Variants in IL2 observed in about 807,000 individuals in gnomAD.
The protein encoded by IL2 is interleukin-2.
A neutral mutation model predicts 14.6 loss-of-function variants in IL2; 3 were observed. That is an observed-to-expected ratio of 0.21 (90% confidence interval 0.09 to 0.53). The LOEUF is 0.53. Among genes scored for constraint, IL2 ranks in the 20% least tolerant of loss-of-function variants. The probability of loss-of-function intolerance (pLI) is 0.95; values close to 1 mark genes in which losing one functional copy is unlikely to be tolerated. For synonymous variants in IL2, 71 were observed against 60.0 expected, an observed-to-expected ratio of 1.18 and a Z score of -0.85; for missense variants, 125 against 170.8, an observed-to-expected ratio of 0.73 and a Z score of 1.50.
intron 2 of IL2, 108 bp from the exon 3 acceptor site, chr4:122,453,961 C>T (rs1797703493): frequency 2.1e-6 from 2 of 972,310 alleles, no homozygotes; most frequent in African/African-American, 1.7e-5. Flanking sequence ...ACCATTCTCT[C>T]TGTTCTCAAT....
rs750050718 is a variant in IL2 at position 122,456,189 on chromosome 4, G to T, written c.162C>A (p.Pro54=). 1.5e-5 allele frequency: 24 copies of T among 1,608,814 alleles called. No individual in the cohort carries two copies. Among genetic ancestry groups the T allele is most frequent in the Non-Finnish European group, 2.0e-5 (23 of 1,176,058 alleles). The part of the protein sequence containing the change: ...ILNGINNYKN[P]KLTRMLTFKF... ...TAAATGTGAGCATCCTGGTGAGTTTGGGATTCTTGTAATTCTAAGAAAGTA... is the reference window on the plus strand; with the variant it reads ...TAAATGTGAGCATCCTGGTGAGTTTTGGATTCTTGTAATTCTAAGAAAGTA... The change falls in exon 2 of 4, where the codon CCC becomes CCA. Residue 54 remains proline (P), a synonymous_variant. Transcript: ENST00000226730.
intron 2 of IL2, among the ~76,000 whole-genome samples, chr4:122,455,060 G>T (rs575199332): frequency 1.3e-5 from 2 of 151,898 alleles, no homozygotes; most frequent in African/African-American, 4.8e-5. Flanking sequence ...TGCTGGAGTT[G>T]CATTATGTGG....
chr4:122,456,280 G>T lies in IL2; in HGVS notation c.147+14C>A, dbSNP rs72558016. ...TAAATGTAATAATTTTAGTAAGAAA[G>T]GAAATATACTTACATTAATTCCATT... On this transcript the variant is annotated intron_variant, in intron 1 of 3. Coordinates refer to ENST00000226730, the MANE Select transcript of IL2 (RefSeq NM_000586.4). The T allele has an allele frequency of 1.1e-5, 17 of 1,601,342 alleles. No homozygotes were observed. Among genetic ancestry groups the T allele is most frequent in the Non-Finnish European group, 1.5e-5 (17 of 1,169,496 alleles).
At chr4:122,454,216 A>G (rs1430438500) in intron 2 of IL2, among the ~76,000 whole-genome samples, 2 of 151,920 alleles carry the variant, frequency 1.3e-5, no homozygotes, top group Non-Finnish European at 2.9e-5. Context: ...ATCACATTCT[A>G]TGATTATAAT....
At chr4:122,454,499 T>C (rs1443917068) in intron 2 of IL2, among the ~76,000 whole-genome samples, 2 of 151,792 alleles carry the variant, frequency 1.3e-5, no homozygotes, top group African/African-American at 2.4e-5. Context: ...CTCTTGATTC[T>C]ATATTATATA....
chr4:122,456,331 A>T lies in IL2; in HGVS notation c.110T>A (p.Leu37Ter). ...TKKTQLQLEH[L>*]LLDLQMILNG... ...CAAAATCATCTGTAAATCCAGCAGT[A>T]AATGCTCCAGTTGTAGCTGTGTTTT... Residue 37 changes from leucine (L) to a stop codon, truncating the protein, a stop_gained, in exon 1 of 4, where the codon TTA becomes TAA. Transcript: ENST00000226730. LOFTEE classifies it high-confidence loss of function. 1 of 1,611,376 alleles carries T rather than the reference A, an allele frequency of 6.2e-7. No homozygotes were observed. Among genetic ancestry groups the T allele is most frequent in the Non-Finnish European group, 8.5e-7 (1 of 1,177,994 alleles).
At chr4:122,451,914 TAC>T (rs1797680104) in intron 3 of IL2, 52 bp from the exon 4 acceptor site, 1 of 820,520 alleles carries the variant, frequency 1.2e-6, no homozygotes, top group Non-Finnish European at 1.8e-6. Context: ...TTACCTTATA[TAC>T]AGTTATTCCC....
intron 2 of IL2, 104 bp from the exon 3 acceptor site, chr4:122,453,957 C>G (rs1199137573): frequency 1.0e-6 from 1 of 987,066 alleles, no homozygotes. Context: ...TTTTACCATT[C>G]TCTCTGTTCT....
Position 122,456,154 on chromosome 4 carries a change from A to T in IL2, c.197T>A (p.Met66Lys). 6.2e-7 allele frequency: 1 copy of T among 1,602,470 alleles called. No homozygotes were observed. The highest frequency in any genetic ancestry group is 8.5e-7 in the Non-Finnish European group (1 of 1,170,628). ...AAATATTGTACTTACCTTCTTGGGC[A>T]TGTAAAACTTAAATGTGAGCATCCT... is the stretch of plus-strand genomic sequence containing the variant. Reference protein sequence around the residue: ...LTRMLTFKFYMPKKATELKHL... With the variant: ...LTRMLTFKFYKPKKATELKHL... Residue 66 changes from methionine to lysine, a missense_variant, in exon 2 of 4, where the codon ATG becomes AAG. Met to Lys is a moderately conservative substitution (Grantham distance 95, BLOSUM62 -1). Transcript: ENST00000226730.
Position 122,456,211 on chromosome 4 carries a change from A to G in IL2, c.148-8T>C. 6.2e-7 allele frequency: 1 copy of G among 1,607,452 alleles called. No individual in the cohort carries two copies. The highest frequency in any genetic ancestry group is 1.1e-5 in the South Asian group (1 of 90,884). Reference sequence around the variant, plus strand: ...TTTGGGATTCTTGTAATTCTAAGAAAGTATAATGCATTGTTATTAAGAAAT... The same window carrying G: ...TTTGGGATTCTTGTAATTCTAAGAAGGTATAATGCATTGTTATTAAGAAAT... On this transcript the variant is annotated splice_polypyrimidine_tract_variant and splice_region_variant and intron_variant, in intron 1 of 3. Transcript: ENST00000226730.
chr4:122,456,158 A>C lies in IL2; in HGVS notation c.193T>G (p.Tyr65Asp). 1.9e-6 allele frequency: 3 copies of C among 1,605,172 alleles called. No individual in the cohort carries two copies. Among genetic ancestry groups the C allele is most frequent in the Non-Finnish European group, 2.6e-6 (3 of 1,172,996 alleles). ...ATTGTACTTACCTTCTTGGGCATGT[A>C]AAACTTAAATGTGAGCATCCTGGTG... Reference protein sequence around the residue: ...KLTRMLTFKFYMPKKATELKH... With the variant: ...KLTRMLTFKFDMPKKATELKH... The change falls in exon 2 of 4, where the codon TAC becomes GAC. Residue 65 changes from tyrosine (Y) to aspartate (D), a missense_variant. Tyr to Asp is a radical substitution (Grantham distance 160). Transcript: ENST00000226730.
intron 3 of IL2, among the ~76,000 whole-genome samples, chr4:122,453,389 A>G (rs1247517967): frequency 1.3e-5 from 2 of 151,740 alleles, no homozygotes; most frequent in Non-Finnish European, 3.0e-5. Flanking sequence ...AAAAATATAT[A>G]GTAAAATCTG....
At chr4:122,452,137 G>A (rs2069771) in intron 3 of IL2, among the ~76,000 whole-genome samples, 11,983 of 152,066 alleles carry the variant, frequency 0.079, 1,579 homozygotes, top group African/African-American at 0.27. Context: ...TGCAAATAAA[G>A]ATTTAAATAA....
At chr4:122,452,866 T>C (rs1337834074) in intron 3 of IL2, among the ~76,000 whole-genome samples, 1 of 152,026 alleles carries the variant, frequency 6.6e-6, no homozygotes, top group Non-Finnish European at 1.5e-5. Flanking sequence ...ATGAGTTTTC[T>C]GATGTTAATT....
At chr4:122,453,654 T>G in intron 3 of IL2, 56 bp downstream of exon 3, 1 of 1,463,036 alleles carries the variant, frequency 6.8e-7, no homozygotes, top group South Asian at 1.3e-5. Context: ...ATGTGGTACT[T>G]TTCCCCCTAC....
At position 122,451,690 on chromosome 4, in the gene IL2, A is replaced by G. The variant is rs1797677634; in HGVS notation, c.*62T>C. On this transcript the variant is annotated 3_prime_UTR_variant, in exon 4 of 4. Transcript: ENST00000226730. The stretch of plus-strand genomic sequence containing the variant: ...AAACCATACATTCAACAATAAATAT[A>G]AAATTTAAATATTTAAATAAATAGA... 1.8e-6 allele frequency: 1 copy of G among 562,258 alleles called. No homozygotes were observed. Among genetic ancestry groups the G allele is most frequent in the Admixed American group, 3.9e-5 (1 of 25,682 alleles). 34.8% of individuals were successfully genotyped at this position (562,258 alleles called of 1,614,324 possible). A position where few individuals can be genotyped will look rare whatever the true frequency, so the allele number is the denominator to read the frequency against.
chr4:122,453,809 T>C lies in IL2; in HGVS notation c.252A>G (p.Lys84=), dbSNP rs1392776703. 4 of 1,611,558 alleles carry C rather than the reference T, an allele frequency of 2.5e-6. No individual in the cohort carries two copies. The South Asian group carries it at 3.3e-5, about 13-fold the overall frequency. Residue 84 remains lysine, a synonymous_variant, in exon 3 of 4, where the codon AAA becomes AAG. Coordinates refer to ENST00000226730, the MANE Select transcript of IL2 (RefSeq NM_000586.4). ...KHLQCLEEEL[K]PLEEVLNLAQ... is the part of the protein sequence containing the mutation. Reference sequence around the variant, plus strand: ...CTAAATTTAGCACTTCCTCCAGAGGTTTGAGTTCTTCTTCTAGACACTGAA... The same window carrying C: ...CTAAATTTAGCACTTCCTCCAGAGGCTTGAGTTCTTCTTCTAGACACTGAA...
chr4:122,455,593 C>T (rs1283482441), intron 2 of IL2, among the ~76,000 whole-genome samples: 1 of 151,840 alleles, frequency 6.6e-6, no homozygotes. Flanking sequence ...TAAGTATATA[C>T]AGTTATTCAT....
chr4:122,451,902 G>T, intron 3 of IL2, 40 bp from the exon 4 acceptor site: 1 of 1,028,118 alleles, frequency 9.7e-7, no homozygotes, highest in Non-Finnish European at 1.4e-6. Context: ...GTACAGAGTA[G>T]TTTACCTTAT....
Sources: gnomAD v4.1 joint callset for allele counts (sites outside exome capture counted in the v4.1 genomes callset) on GRCh38, gnomAD v4.1.1 for gene constraint, MANE v1.5 for transcripts, NCBI Gene and HGNC (gene_info 2026-07-23, HGNC 2026-07-21) for gene names.